The following OTOG variants were observed in gnomAD, a reference collection of about 807,000 sequenced individuals.
OTOG encodes the protein otogelin.
Under a neutral mutation model 313.8 loss-of-function variants are expected in OTOG, and 296 were observed. The ratio of observed to expected loss-of-function variants is 0.94; its 90% CI spans 0.86 to 1.04. The LOEUF (loss-of-function observed/expected upper bound fraction) is 1.04, where lower values mean the gene tolerates loss of function less well. Ranked by LOEUF, OTOG falls within the 50% of genes least tolerant of loss-of-function variation. OTOG has a pLI of 0.00. For synonymous variants in OTOG, 1,533 were observed against 1,554.9 expected (o/e 0.99, Z 0.33); for missense variants, 3,948 against 3,840.1 (o/e 1.03, Z -0.74).
intron 16 of OTOG, among the ~76,000 whole-genome samples, chr11:17,569,860 G>T (rs1018345017): frequency 2.0e-4 from 31 of 152,192 alleles, no homozygotes; most frequent in Non-Finnish European, 2.9e-4. Context: ...ATAAAACTGT[G>T]TTGTGGCCAC....
chr11:17,562,046 A>AAAAAAAATAT (rs1440986349), intron 15 of OTOG, among the ~76,000 whole-genome samples: 1 of 139,840 alleles, frequency 7.2e-6, no homozygotes, highest in Non-Finnish European at 1.5e-5. Context: ...CTAAAAAAAA[A>AAAAAAAATAT]ATATATATAT....
Position 17,591,432 on chromosome 11 carries a change from TG to T in OTOG, c.2868-15del. On this transcript the variant is annotated splice_polypyrimidine_tract_variant and intron_variant, in intron 24 of 55. Coordinates refer to ENST00000399397, the MANE Select transcript of OTOG (RefSeq NM_001292063.2). ...GGTGGGTGTGCCCTGTGATCTGGTC[TG>T]GGCATGTGTTTTTCAGTGTGTGCCA... The T allele has an allele frequency of 6.4e-7, 1 of 1,550,606 alleles. No homozygotes were observed. Among genetic ancestry groups the T allele is most frequent in the Middle Eastern group, 1.7e-4 (1 of 5,992 alleles).
In OTOG at chr11:17,575,010, C is replaced by G. The variant is rs902712915; in HGVS notation, c.2486+98C>G. On this transcript the variant is annotated intron_variant, in intron 20 of 55. Coordinates refer to ENST00000399397, the MANE Select transcript of OTOG (RefSeq NM_001292063.2). The stretch of plus-strand genomic sequence containing the variant: ...GGGAACCTGGCTGGGCCTCTTGTGT[C>G]CCTCCTTCCCCTCACAGTTGCAGGC... The G allele has an allele frequency of 2.5e-5, 30 of 1,193,388 alleles. No individual in the cohort carries two copies. The African/African-American group carries it at 4.4e-4, about 17-fold the overall frequency. 73.9% of individuals were successfully genotyped at this position (1,193,388 alleles called of 1,614,324 possible).
chr11:17,632,241 C>A lies in OTOG; in HGVS notation c.7072+15C>A. 1 of 1,545,216 alleles carries A rather than the reference C, an allele frequency of 6.5e-7. No individual in the cohort carries two copies. The highest frequency in any genetic ancestry group is 8.8e-7 in the Non-Finnish European group (1 of 1,142,788). On this transcript the variant is annotated intron_variant, in intron 42 of 55. Coordinates refer to ENST00000399397, the MANE Select transcript of OTOG (RefSeq NM_001292063.2). ...TGACTACTGCCGTGAGTTTGCGGGG[C>A]AGGGGGACCCTCCATTGTGACTATT...
chr11:17,588,685 T>C (rs2134053127), intron 24 of OTOG, among the ~76,000 whole-genome samples: 1 of 152,280 alleles, frequency 6.6e-6, no homozygotes, highest in African/African-American at 2.4e-5. Flanking sequence ...CCTTCCCTAA[T>C]TCTTGGAGAT....
At chr11:17,596,184 G>T (rs780870383) in intron 29 of OTOG, 30 bp downstream of exon 29, 1 of 1,467,038 alleles carries the variant, frequency 6.8e-7, no homozygotes, top group Middle Eastern at 1.7e-4. Flanking sequence ...GGCTCCTCCC[G>T]AGTGCCCCCT....
In OTOG at chr11:17,612,157, C is replaced by T. The variant is rs1264968716; in HGVS notation, c.6124-5C>T. On this transcript the variant is annotated splice_polypyrimidine_tract_variant and splice_region_variant and intron_variant, in intron 36 of 55. Transcript: ENST00000399397. ...TCACTCACACTTCCTCCACTCTGTA[C>T]CCAGCCAATCGCCGAGCAGGACTGC... is the stretch of plus-strand genomic sequence containing the variant. 8.4e-6 allele frequency: 13 copies of T among 1,549,198 alleles called. No homozygotes were observed. The highest frequency in any genetic ancestry group is 2.0e-5 in the Admixed American group (1 of 50,978).
At chr11:17,590,402 C>A (rs1852902964) in intron 24 of OTOG, among the ~76,000 whole-genome samples, 3 of 152,330 alleles carry the variant, frequency 2.0e-5, no homozygotes, top group Middle Eastern at 3.4e-3. Context: ...AACCTCTCTG[C>A]AAATCCCTTT....
At chr11:17,645,474 C>A in intron 54 of OTOG, 90 bp from the exon 55 acceptor site, 1 of 1,219,258 alleles carries the variant, frequency 8.2e-7, no homozygotes, top group Non-Finnish European at 1.2e-6. Flanking sequence ...GACCCTCCAG[C>A]ATGACACTAA....
chr11:17,611,265 G>T lies in OTOG; in HGVS notation c.5965G>T (p.Ala1989Ser). ...GGTTCTGTTGCCTCAGCTGGCTGAG[G>T]CCCATGGAACCTCGGCAGGGCCTCA... ...MLVLLPQLAE[A>S]HGTSAGPHLA... Residue 1989 changes from alanine to serine, a missense_variant, in exon 36 of 56, where the codon GCC becomes TCC. Physicochemically the swap from Ala to Ser is moderately conservative, Grantham distance 99. Transcript: ENST00000399397. 1 of 1,550,444 alleles carries T rather than the reference G, an allele frequency of 6.4e-7. No homozygotes were observed. Among genetic ancestry groups the T allele is most frequent in the Non-Finnish European group, 8.7e-7 (1 of 1,146,970 alleles).
intron 23 of OTOG, among the ~76,000 whole-genome samples, chr11:17,583,342 G>C (rs903042354): frequency 4.6e-5 from 7 of 152,006 alleles, no homozygotes; most frequent in African/African-American, 1.7e-4. Context: ...TTGCTATGTT[G>C]CCCAGGCTGA....
At chr11:17,629,387 C>T (rs1367622290) in intron 40 of OTOG, 71 bp downstream of exon 40, 3 of 1,445,266 alleles carry the variant, frequency 2.1e-6, no homozygotes, top group Non-Finnish European at 2.8e-6. Context: ...CATAATTCCT[C>T]CTGGAGCAGG....
chr11:17,593,825 A>G (rs564786276), intron 27 of OTOG, 69 bp downstream of exon 27: 7 of 1,518,088 alleles, frequency 4.6e-6, no homozygotes, highest in Middle Eastern at 4.6e-4. Flanking sequence ...TCCTTGGGTG[A>G]GCTGTACCCT....
chr11:17,577,771 A>G (rs1239076951), intron 22 of OTOG, among the ~76,000 whole-genome samples: 3 of 152,130 alleles, frequency 2.0e-5, no homozygotes, highest in African/African-American at 7.2e-5. Flanking sequence ...CAGCCTGGGC[A>G]TGGAACTCAG....
At position 17,572,787 on chromosome 11, in the gene OTOG, C is replaced by T. The variant is rs75878419; in HGVS notation, c.2081-291C>T. 2.6e-3 allele frequency among the ~76,000 whole-genome samples: 395 copies of T among 152,340 alleles called. 2 individuals are homozygous for T. Among genetic ancestry groups the T allele is most frequent in the African/African-American group, 8.9e-3 (372 of 41,580 alleles). Reference sequence around the variant, plus strand: ...CCCATGCTGCTTCTTAGCTTTCTCTCGCTTCTTACCTTCTTCACCTTTGAA... The same window carrying T: ...CCCATGCTGCTTCTTAGCTTTCTCTTGCTTCTTACCTTCTTCACCTTTGAA... On this transcript the variant is annotated intron_variant, in intron 18 of 55. Coordinates refer to ENST00000399397, the MANE Select transcript of OTOG (RefSeq NM_001292063.2).
At chr11:17,609,024 C>A in intron 34 of OTOG, 106 bp from the exon 35 acceptor site, 1 of 858,942 alleles carries the variant, frequency 1.2e-6, no homozygotes, top group Non-Finnish European at 1.9e-6. Context: ...CATGTGTGCA[C>A]GCACATGTGT....
rs1387942633 is a variant in OTOG, at chr11:17,596,109, G to C, written c.3480G>C (p.Glu1160Asp). 1 of 1,550,758 alleles carries C rather than the reference G, an allele frequency of 6.4e-7. No homozygotes were observed. The highest frequency in any genetic ancestry group is 1.2e-5 in the South Asian group (1 of 84,048). ...TCCGAGAACCATTTGCCAAGAAGGA[G>C]TGCAGCATCCTGCTCAGTGAGGTGT... ...NPLREPFAKK[E>D]CSILLSEVFE... The change falls in exon 29 of 56, where the codon GAG becomes GAC. Residue 1160 changes from glutamate (E) to aspartate (D), a missense_variant. Transcript: ENST00000399397.
rs1851949416 is a variant in OTOG at position 17,552,086 on chromosome 11, C to G, written c.292+11C>G. ...AGTGTGCACCATCCTGTAAGTGGCA[C>G]CTTCACTGTGGTCCATGGGTTGTGC... On this transcript the variant is annotated intron_variant, in intron 4 of 55. Transcript: ENST00000399397. 1 of 1,549,966 alleles carries G rather than the reference C, an allele frequency of 6.5e-7. No homozygotes were observed. Among genetic ancestry groups the G allele is most frequent in the South Asian group, 1.2e-5 (1 of 84,060 alleles).
Position 17,599,711 on chromosome 11 carries a change from C to T in OTOG, c.3709+14C>T, listed in dbSNP as rs1853198823. On this transcript the variant is annotated intron_variant, in intron 31 of 55. Coordinates refer to ENST00000399397, the MANE Select transcript of OTOG (RefSeq NM_001292063.2). ...TCTTTAACAAAGGTAAGCCCCTCCTCCCCACGCAGAGTCTCAGGGGCTCAG... is the reference window on the plus strand; with the variant it reads ...TCTTTAACAAAGGTAAGCCCCTCCTTCCCACGCAGAGTCTCAGGGGCTCAG... 1 of 1,550,360 alleles carries T rather than the reference C, an allele frequency of 6.5e-7. No homozygotes were observed. Among genetic ancestry groups the T allele is most frequent in the South Asian group, 1.2e-5 (1 of 84,056 alleles).
Sources: gnomAD v4.1 joint callset for allele counts (sites outside exome capture counted in the v4.1 genomes callset) on GRCh38, gnomAD v4.1.1 for gene constraint, MANE v1.5 for transcripts, NCBI Gene and HGNC (gene_info 2026-07-23, HGNC 2026-07-21) for gene names.